Variants in LRRC7 observed in about 807,000 individuals in gnomAD.
LRRC7 encodes the protein leucine rich repeat containing 7.
A neutral mutation model predicts 175.7 loss-of-function variants in LRRC7; 23 were observed. The ratio of observed to expected loss-of-function variants is 0.13; its 90% CI spans 0.09 to 0.19. The LOEUF (loss-of-function observed/expected upper bound fraction) is 0.19, where lower values mean the gene tolerates loss of function less well. LRRC7 is among the 10% of genes least tolerant of loss of function. LRRC7 has a pLI of 1.00. For synonymous variants in LRRC7, 685 were observed against 680.9 expected (o/e 1.01, Z -0.09); for missense variants, 1,354 against 1,904.7 (o/e 0.71, Z 5.38).
chr1:69,672,859 G>C (rs992644957), intron 1 of LRRC7, among the ~76,000 whole-genome samples: 12 of 152,308 alleles, frequency 7.9e-5, no homozygotes, highest in African/African-American at 2.6e-4. Flanking sequence ...TATCAACAGT[G>C]AGTTGATAAT....
At chr1:69,787,228 G>A (rs534199098) in intron 3 of LRRC7, among the ~76,000 whole-genome samples, 17 of 152,320 alleles carry the variant, frequency 1.1e-4, no homozygotes, top group Middle Eastern at 3.4e-3. Flanking sequence ...TTGTGGCCTC[G>A]CAGGGTACGG....
chr1:69,923,785 G>C (rs893231173), intron 7 of LRRC7, among the ~76,000 whole-genome samples: 1 of 151,970 alleles, frequency 6.6e-6, no homozygotes, highest in Non-Finnish European at 1.5e-5. Flanking sequence ...TTCTTTTGCT[G>C]TGCAGAAGCT....
rs149434478 is a variant in LRRC7 at position 69,971,949 on chromosome 1, C to T, written c.712-8430C>T. Among the ~76,000 whole-genome samples the T allele has an allele frequency of 3.3e-3, 502 of 152,072 alleles. 2 individuals carry two copies. The highest frequency in any genetic ancestry group is 0.011 in the African/African-American group (476 of 41,502). On this transcript the variant is annotated intron_variant, in intron 8 of 26. Coordinates refer to ENST00000651989, the MANE Select transcript of LRRC7 (RefSeq NM_001370785.2). ...CACATAGACCAATGGAACAGAATAG[C>T]GAACTCAGAAATAAACCCTCATACT...
intron 1 of LRRC7, among the ~76,000 whole-genome samples, chr1:69,587,111 A>G (rs747806980): frequency 3.3e-5 from 5 of 152,162 alleles, no homozygotes; most frequent in Non-Finnish European, 5.9e-5. Flanking sequence ...GTGGTATAAT[A>G]TAACAGAGTG....
chr1:69,968,076 A>C (rs1050670708), intron 8 of LRRC7, among the ~76,000 whole-genome samples: 3 of 152,102 alleles, frequency 2.0e-5, no homozygotes, highest in African/African-American at 4.8e-5. Context: ...TGAGGGGAGA[A>C]ATATTCAATG....
At chr1:69,706,890 C>T (rs1664103349) in intron 2 of LRRC7, among the ~76,000 whole-genome samples, 1 of 152,120 alleles carries the variant, frequency 6.6e-6, no homozygotes, top group African/African-American at 2.4e-5. Flanking sequence ...CAAGTGGTTC[C>T]TACTTTGTAT....
At chr1:70,062,295 T>C (rs1661639446) in intron 23 of LRRC7, among the ~76,000 whole-genome samples, 2 of 152,092 alleles carry the variant, frequency 1.3e-5, no homozygotes, top group South Asian at 2.1e-4. Context: ...TGCAGAACAA[T>C]CCAAAGAACA....
chr1:69,968,039 A>G (rs1259446374), intron 8 of LRRC7, among the ~76,000 whole-genome samples: 1 of 152,180 alleles, frequency 6.6e-6, no homozygotes. Flanking sequence ...GCCCAATGTA[A>G]GGAAATCAAA....
At chr1:70,076,640 T>C (rs911676000) in intron 24 of LRRC7, among the ~76,000 whole-genome samples, 2 of 152,198 alleles carry the variant, frequency 1.3e-5, no homozygotes, top group African/African-American at 4.8e-5. Flanking sequence ...ATGGATTAGG[T>C]ATATTTACCA....
intron 4 of LRRC7, among the ~76,000 whole-genome samples, chr1:69,814,123 G>A (rs1678297812): frequency 6.6e-6 from 1 of 151,968 alleles, no homozygotes; most frequent in Non-Finnish European, 1.5e-5. Flanking sequence ...AAAAGTATGG[G>A]CTTTATTTGT....
chr1:69,953,868 C>A (rs2101828798), intron 8 of LRRC7, among the ~76,000 whole-genome samples: 1 of 152,164 alleles, frequency 6.6e-6, no homozygotes, highest in African/African-American at 2.4e-5. Context: ...TGGTGCAGAG[C>A]TCAGGAACCT....
At chr1:69,681,058 T>C (rs1378961645) in intron 2 of LRRC7, among the ~76,000 whole-genome samples, 5 of 152,124 alleles carry the variant, frequency 3.3e-5, no homozygotes, top group African/African-American at 1.2e-4. Context: ...TGCACACATA[T>C]TACCACCACT....
At chr1:69,944,894 T>C (rs760632300) in intron 8 of LRRC7, among the ~76,000 whole-genome samples, 22 of 152,050 alleles carry the variant, frequency 1.4e-4, no homozygotes, top group Non-Finnish European at 2.5e-4. Flanking sequence ...ATTCCTCATA[T>C]ATTTTAGATA....
At chr1:69,714,140 C>T (rs1319049275) in intron 2 of LRRC7, among the ~76,000 whole-genome samples, 2 of 152,158 alleles carry the variant, frequency 1.3e-5, no homozygotes, top group Non-Finnish European at 2.9e-5. Flanking sequence ...GATTCTCCTT[C>T]TGCCACTCCC....
chr1:69,980,018 A>G (rs1653256449), intron 8 of LRRC7, among the ~76,000 whole-genome samples: 1 of 152,122 alleles, frequency 6.6e-6, no homozygotes, highest in South Asian at 2.1e-4. Flanking sequence ...TAGTGATTAC[A>G]AAACAAACAT....
At chr1:69,697,436 A>C (rs1662750527) in intron 2 of LRRC7, among the ~76,000 whole-genome samples, 2 of 152,198 alleles carry the variant, frequency 1.3e-5, no homozygotes, top group African/African-American at 4.8e-5. Context: ...ACTACTTTTC[A>C]TGTTTTTTAA....
Position 70,141,589 on chromosome 1 carries a change from A to C in LRRC7, c.*19702A>C, listed in dbSNP as rs1667063309. 6.6e-6 allele frequency: 1 copy of C among 152,166 alleles called. No individual in the cohort carries two copies. Among genetic ancestry groups the C allele is most frequent in the Non-Finnish European group, 1.5e-5 (1 of 68,010 alleles). 9.4% of individuals were successfully genotyped at this position (152,166 alleles called of 1,614,324 possible). On this transcript the variant is annotated 3_prime_UTR_variant, in exon 27 of 27. Transcript: ENST00000651989. ...ATTCAGGGGAATGAAAATACATGTT[A>C]GAAATTAAAATGTGGTTATCTCAGC... is the stretch of plus-strand genomic sequence containing the variant.
At chr1:69,628,447 A>G (rs188941475) in intron 1 of LRRC7, among the ~76,000 whole-genome samples, 6 of 152,304 alleles carry the variant, frequency 3.9e-5, no homozygotes, top group African/African-American at 1.4e-4. Flanking sequence ...ATATTAGGAA[A>G]ACTGCAAAAC....
chr1:69,568,477 C>G lies in LRRC7; in HGVS notation c.-163C>G, dbSNP rs1646413144. The G allele has an allele frequency of 2.1e-6, 1 of 466,374 alleles. No homozygotes were observed. The highest frequency in any genetic ancestry group is 3.6e-6 in the Non-Finnish European group (1 of 278,262). The allele number at this position is 466,374 out of a possible 1,614,324, so 28.9% of individuals were successfully genotyped here. A position where few individuals can be genotyped will look rare whatever the true frequency, so the allele number is the denominator to read the frequency against. On this transcript the variant is annotated 5_prime_UTR_variant, in exon 1 of 27. Transcript: ENST00000651989. ...CTAACGTGGCACCTTCCTGGATTCC[C>G]CTCTATCTCCTGTTCTTCCTACCTT...
Sources: allele counts gnomAD v4.1 joint callset (sites outside exome capture counted in the v4.1 genomes callset), GRCh38; gene constraint gnomAD v4.1.1; transcripts MANE v1.5; gene names NCBI Gene and HGNC (gene_info 2026-07-23, HGNC 2026-07-21).